ZNF783: variants seen among roughly 807,000 people sequenced by gnomAD.
ZNF783 encodes protein ZNF783.
A neutral mutation model predicts 31.3 loss-of-function variants in ZNF783; 25 were observed. The ratio of observed to expected loss-of-function variants is 0.80; its 90% CI spans 0.58 to 1.11. The LOEUF (loss-of-function observed/expected upper bound fraction) is 1.11, where lower values mean the gene tolerates loss of function less well. Ranked by LOEUF, ZNF783 falls within the 50% of genes most tolerant of loss-of-function variation. The pLI is 0.00. For synonymous variants in ZNF783, 369 were observed against 319.1 expected (o/e 1.16, Z -1.66); for missense variants, 797 against 760.0 (o/e 1.05, Z -0.57).
chr7:149,266,049 G>A (rs1797055505), intron 1 of ZNF783, among the ~76,000 whole-genome samples: 1 of 152,208 alleles, frequency 6.6e-6, no homozygotes, highest in African/African-American at 2.4e-5. Flanking sequence ...CAAGCCTGTG[G>A]GGCATGCCCC....
chr7:149,280,080 G>A (rs1438650608), intron 5 of ZNF783, among the ~76,000 whole-genome samples: 2 of 105,524 alleles, frequency 1.9e-5, no homozygotes, highest in Admixed American at 1.2e-4. Context: ...CGGACGGGGC[G>A]GCTGGCCGGG....
In ZNF783 at chr7:149,278,447, A is replaced by G; in HGVS notation, c.722A>G (p.Gln241Arg). 3.1e-6 allele frequency: 5 copies of G among 1,599,372 alleles called. No homozygotes were observed. Among genetic ancestry groups the G allele is most frequent in the Non-Finnish European group, 4.2e-6 (5 of 1,179,766 alleles). The change falls in exon 5 of 6, where the codon CAG becomes CGG. Residue 241 changes from glutamine (Q) to arginine (R), a missense_variant. Transcript: ENST00000434415. ...EHLTSPLSPAQEELKEGQAPK... is the reference protein window; with the variant it reads ...EHLTSPLSPAREELKEGQAPK... ...CTCACCAGCCCACTTAGCCCTGCCC[A>G]GGAGGAGCTGAAAGAAGGGCAGGCC...
intron 1 of ZNF783, among the ~76,000 whole-genome samples, chr7:149,263,787 A>C (rs917664995): frequency 6.6e-6 from 1 of 152,216 alleles, no homozygotes; most frequent in African/African-American, 2.4e-5. Context: ...ACCTCAGTGA[A>C]GGTTTTGAAA....
At position 149,283,908 on chromosome 7, in the gene ZNF783, C is replaced by A. The variant is rs979246523; in HGVS notation, c.*1565C>A. 6.6e-6 allele frequency: 1 copy of A among 152,204 alleles called. No individual in the cohort carries two copies. The highest frequency in any genetic ancestry group is 6.5e-5 in the Admixed American group (1 of 15,282). The allele number at this position is 152,204 out of a possible 1,614,324, so 9.4% of individuals were successfully genotyped here. A position where few individuals can be genotyped will look rare whatever the true frequency, so the allele number is the denominator to read the frequency against. On this transcript the variant is annotated 3_prime_UTR_variant, in exon 6 of 6. Transcript: ENST00000434415. ...CCTGTCAGAATCCCTCAGGAAGGAC[C>A]TTTATCTTCTGGAGTGAGTGGCAGT...
At chr7:149,277,403 T>A (rs1249690277) in intron 4 of ZNF783, 1 of 152,194 alleles carries the variant, frequency 6.6e-6, no homozygotes, top group African/African-American at 2.4e-5. Context: ...TGTCAGCCTT[T>A]TGCTCATCAT....
intron 5 of ZNF783, among the ~76,000 whole-genome samples, chr7:149,279,411 G>A (rs1400147982): frequency 2.0e-5 from 3 of 152,246 alleles, no homozygotes; most frequent in African/African-American, 7.2e-5. Flanking sequence ...GCCTGCAGGA[G>A]TGTTGGGGAC....
chr7:149,274,657 C>T (rs943697324), intron 4 of ZNF783, among the ~76,000 whole-genome samples: 2 of 152,240 alleles, frequency 1.3e-5, no homozygotes, highest in Non-Finnish European at 2.9e-5. Context: ...TGAGCCGCCG[C>T]ACCTGGCCTA....
intron 4 of ZNF783, among the ~76,000 whole-genome samples, chr7:149,268,216 C>T (rs1348408013): frequency 6.6e-6 from 1 of 152,200 alleles, no homozygotes; most frequent in Non-Finnish European, 1.5e-5. Flanking sequence ...ATACCATGAT[C>T]ACACCCACAG....
At chr7:149,269,349 T>G (rs981641094) in intron 4 of ZNF783, among the ~76,000 whole-genome samples, 1 of 152,222 alleles carries the variant, frequency 6.6e-6, no homozygotes, top group African/African-American at 2.4e-5. Context: ...TTTCCAGATA[T>G]TTTCTCCCAT....
intron 4 of ZNF783, chr7:149,277,984 A>T (rs1275459042): frequency 8.9e-6 from 2 of 225,862 alleles, no homozygotes; most frequent in Non-Finnish European, 1.8e-5. Context: ...CTAACGCCAT[A>T]TCTTCAGTTG....
At position 149,282,344 on chromosome 7, in the gene ZNF783, C is replaced by T. The variant is rs1388238157; in HGVS notation, c.*1C>T. Reference sequence around the variant, plus strand: ...GCCCAGCCGGAAGGAGGAGGGCTGACCTGGCAGGAGCCCACAGAGGACCCC... The same window carrying T: ...GCCCAGCCGGAAGGAGGAGGGCTGATCTGGCAGGAGCCCACAGAGGACCCC... On this transcript the variant is annotated 3_prime_UTR_variant, in exon 6 of 6. Transcript: ENST00000434415. 1.4e-5 allele frequency: 21 copies of T among 1,504,182 alleles called. No individual in the cohort carries two copies. The highest frequency in any genetic ancestry group is 7.3e-5 in the East Asian group (3 of 40,924). The allele number at this position is 1,504,182 out of a possible 1,614,324, so 93.2% of individuals were successfully genotyped here. A position where few individuals can be genotyped will look rare whatever the true frequency, so the allele number is the denominator to read the frequency against.
At chr7:149,263,872 T>G (rs1017600636) in intron 1 of ZNF783, among the ~76,000 whole-genome samples, 2 of 152,208 alleles carry the variant, frequency 1.3e-5, no homozygotes, top group Non-Finnish European at 2.9e-5. Flanking sequence ...TGAGCTTCTT[T>G]TTGGGTTCCC....
intron 4 of ZNF783, among the ~76,000 whole-genome samples, chr7:149,267,477 A>G (rs1043176318): frequency 6.6e-6 from 1 of 152,200 alleles, no homozygotes; most frequent in African/African-American, 2.4e-5. Flanking sequence ...GATAAGTGTT[A>G]AGCATGTACA....
rs1005019447 is a variant in ZNF783 at position 149,283,651 on chromosome 7, C to G, written c.*1308C>G. On this transcript the variant is annotated 3_prime_UTR_variant, in exon 6 of 6. Transcript: ENST00000434415. ...GGGGCAGTCTCCTCTCAAAGGAGTT[C>G]TCCCTTGAGCACTTTGGGCTCTGGG... 1.3e-5 allele frequency: 2 copies of G among 152,228 alleles called. No homozygotes were observed. Among genetic ancestry groups the G allele is most frequent in the East Asian group, 3.9e-4 (2 of 5,188 alleles). 9.4% of individuals were successfully genotyped at this position (152,228 alleles called of 1,614,324 possible).
In ZNF783 at chr7:149,281,559, A is replaced by C; in HGVS notation, c.857A>C (p.Glu286Ala). Reference protein sequence around the residue: ...EAQSEDEMTPERLFLGVSRGQ... With the variant: ...EAQSEDEMTPARLFLGVSRGQ... ...CAGTCTGAAGACGAGATGACGCCTGAGCGGCTCTTTCTGGGGGTGTCCCGA... is the reference window on the plus strand; with the variant it reads ...CAGTCTGAAGACGAGATGACGCCTGCGCGGCTCTTTCTGGGGGTGTCCCGA... The change falls in exon 6 of 6, where the codon GAG becomes GCG. Residue 286 changes from glutamate (E) to alanine (A), a missense_variant. Physicochemically the swap from Glu to Ala is moderately radical, Grantham distance 107. Coordinates refer to ENST00000434415, the MANE Select transcript of ZNF783 (RefSeq NM_001195220.2). 6.7e-7 allele frequency: 1 copy of C among 1,493,720 alleles called. No homozygotes were observed. Among genetic ancestry groups the C allele is most frequent in the South Asian group, 1.4e-5 (1 of 72,966 alleles). The allele number at this position is 1,493,720 out of a possible 1,614,324, so 92.5% of individuals were successfully genotyped here. A position where few individuals can be genotyped will look rare whatever the true frequency, so the allele number is the denominator to read the frequency against.
At chr7:149,278,259 G>C in intron 4 of ZNF783, 140 bp from the exon 5 acceptor site, 1 of 1,444,396 alleles carries the variant, frequency 6.9e-7, no homozygotes, top group Non-Finnish European at 9.1e-7. Context: ...GTATTTGGTG[G>C]GGTCCACCTC....
At position 149,278,379 on chromosome 7, in the gene ZNF783, C is replaced by T; in HGVS notation, c.674-20C>T. 1.3e-6 allele frequency: 2 copies of T among 1,598,810 alleles called. No individual in the cohort carries two copies. The highest frequency in any genetic ancestry group is 1.7e-6 in the Non-Finnish European group (2 of 1,179,506). On this transcript the variant is annotated intron_variant, in intron 4 of 5. Transcript: ENST00000434415. ...GAGACCTCCATGTTGTGCTCAATGT[C>T]ACTGATTTACATTCTCCAGGCCTCC...
intron 1 of ZNF783, among the ~76,000 whole-genome samples, chr7:149,264,224 T>C (rs1024911146): frequency 6.6e-6 from 1 of 152,182 alleles, no homozygotes; most frequent in Non-Finnish European, 1.5e-5. Context: ...CTATGATAGG[T>C]GTTCAGTAAT....
At chr7:149,280,618 C>A (rs73162541) in intron 5 of ZNF783, among the ~76,000 whole-genome samples, 603 of 152,350 alleles carry the variant, frequency 4.0e-3, no homozygotes, top group Non-Finnish European at 6.6e-3. Flanking sequence ...AGATCCCAGG[C>A]ATGTGGTCCG....
Sources: gnomAD v4.1 joint callset for allele counts (sites outside exome capture counted in the v4.1 genomes callset) on GRCh38, gnomAD v4.1.1 for gene constraint, MANE v1.5 for transcripts, NCBI Gene and HGNC (gene_info 2026-07-23, HGNC 2026-07-21) for gene names.